The following GATA3 variants were observed in gnomAD, a reference collection of about 807,000 sequenced individuals.
GATA3 encodes the protein GATA binding protein 3, also known as trans-acting T-cell-specific transcription factor GATA-3.
GATA3 carries 6 observed loss-of-function variants against 36.0 expected under a neutral mutation model. The observed-to-expected ratio is 0.17, with a 90% CI of 0.09 to 0.33. GATA3 has a LOEUF of 0.33. GATA3 is among the 10% of genes least tolerant of loss of function. The pLI is 1.00. For missense variants in GATA3, 514 were observed against 610.1 expected (o/e 0.84, Z 1.66); for synonymous variants, 326 against 273.0 (o/e 1.19, Z -1.92).
chr10:8,072,190 C>T (rs1186157155), intron 5 of GATA3, among the ~76,000 whole-genome samples: 2 of 152,214 alleles, frequency 1.3e-5, no homozygotes, highest in African/African-American at 4.8e-5. Flanking sequence ...TGACCTCTCC[C>T]AGCTCAGCTT....
intron 1 of GATA3, among the ~76,000 whole-genome samples, chr10:8,046,411 C>T (rs1324475592): frequency 6.6e-6 from 1 of 152,150 alleles, no homozygotes; most frequent in South Asian, 2.1e-4. Flanking sequence ...TCCCATATTT[C>T]CTGGTCCTTC....
At chr10:8,073,702 A>G (rs770481001) in intron 5 of GATA3, 37 bp from the exon 6 acceptor site, 2 of 1,573,330 alleles carry the variant, frequency 1.3e-6, no homozygotes, top group Non-Finnish European at 1.7e-6. Flanking sequence ...GGCAGCAAAA[A>G]AGTAAAAAAA....
chr10:8,062,071 C>T (rs1832758548), intron 3 of GATA3, among the ~76,000 whole-genome samples: 1 of 152,212 alleles, frequency 6.6e-6, no homozygotes, highest in Admixed American at 6.5e-5. Flanking sequence ...CAGCCGGTTA[C>T]TCGCCCACTC....
Position 8,056,545 on chromosome 10 carries a change from G to A in GATA3, c.241+649G>A, listed in dbSNP as rs765211390. ...GAATTCTGATGCTGAAGGGGTTTGG[G>A]GGGGAAGACCCCTGTCTTAAGTTTG... On this transcript the variant is annotated intron_variant, in intron 2 of 5. Transcript: ENST00000379328. Among the ~76,000 whole-genome samples the A allele has an allele frequency of 3.3e-5, 5 of 152,240 alleles. No individual in the cohort carries two copies. In the South Asian group the frequency reaches 6.2e-4, roughly 19 times the overall value.
Position 8,055,041 on chromosome 10 carries a change from G to T in GATA3, c.-370+150G>T, listed in dbSNP as rs1413168316. ...CGGTCCCGGGACCGGTGTCCCCGAG[G>T]GAGGGACTTGCCCTCCAAGTCGTAA... On this transcript the variant is annotated intron_variant, in intron 1 of 5. Coordinates refer to ENST00000379328, the MANE Select transcript of GATA3 (RefSeq NM_001002295.2). The surrounding 1 kb of genome is among the most constrained non-coding windows in gnomAD (Gnocchi z 5.4). The T allele has an allele frequency of 1.7e-5, 3 of 181,342 alleles. No homozygotes were observed. The highest frequency in any genetic ancestry group is 3.5e-5 in the Non-Finnish European group (3 of 85,198). 11.2% of individuals were successfully genotyped at this position (181,342 alleles called of 1,614,324 possible). A position where few individuals can be genotyped will look rare whatever the true frequency, so the allele number is the denominator to read the frequency against.
chr10:8,066,113 G>A (rs1228379841), intron 4 of GATA3, among the ~76,000 whole-genome samples: 1 of 151,540 alleles, frequency 6.6e-6, no homozygotes, highest in Non-Finnish European at 1.5e-5. Flanking sequence ...GGAAAAAGAG[G>A]GATTAAAAGT....
chr10:8,061,869 A>C (rs981624140), intron 3 of GATA3, among the ~76,000 whole-genome samples: 1 of 152,150 alleles, frequency 6.6e-6, no homozygotes, highest in Non-Finnish European at 1.5e-5. Context: ...CTCCAACCAC[A>C]GCGGCCTCTC....
chr10:8,073,596 G>A, intron 5 of GATA3, 143 bp from the exon 6 acceptor site: 1 of 847,936 alleles, frequency 1.2e-6, no homozygotes, highest in Non-Finnish European at 1.8e-6. Context: ...GGAGAAGGTG[G>A]GAGGGAGGAA....
intron 4 of GATA3, among the ~76,000 whole-genome samples, chr10:8,067,053 A>G (rs1832854449): frequency 6.6e-6 from 1 of 152,072 alleles, no homozygotes; most frequent in Admixed American, 6.5e-5. Flanking sequence ...AAAAAACACT[A>G]TAGGAAGATA....
chr10:8,046,504 T>C (rs1275597007), intron 1 of GATA3, among the ~76,000 whole-genome samples: 6 of 152,112 alleles, frequency 3.9e-5, no homozygotes, highest in African/African-American at 9.7e-5. Flanking sequence ...CATGTTGAAG[T>C]AGCATTTCCA....
At chr10:8,046,691 G>GTGTGTC (rs58533845) in intron 1 of GATA3, among the ~76,000 whole-genome samples, 2,537 of 144,964 alleles carry the variant, frequency 0.018, 54 homozygotes, top group African/African-American at 0.029. Flanking sequence ...GTGTGTGTGT[G>GTGTGTC]TCAGGGGCTT....
At chr10:8,061,321 CTCCCTCCACT>C (rs1832745221) in intron 3 of GATA3, among the ~76,000 whole-genome samples, 2 of 152,152 alleles carry the variant, frequency 1.3e-5, no homozygotes, top group African/African-American at 4.8e-5. Context: ...AGTTGGGCAT[CTCCCTCCACT>C]GTCATCTGAT....
intron 4 of GATA3, among the ~76,000 whole-genome samples, chr10:8,068,174 G>GA (rs11567927): frequency 0.19 from 28,534 of 151,950 alleles, 2,729 homozygotes; most frequent in East Asian, 0.26. Flanking sequence ...AAAAGTGAAA[G>GA]AAAAATCTCT....
chr10:8,073,705 T>TAAAA, intron 5 of GATA3, 34 bp from the exon 6 acceptor site: 17 of 1,408,254 alleles, frequency 1.2e-5, no homozygotes, highest in Admixed American at 4.5e-5. Context: ...AGCAAAAAAG[T>TAAAA]AAAAAAAAAA....
At position 8,055,848 on chromosome 10, in the gene GATA3, G is replaced by A. The variant is rs1201315842; in HGVS notation, c.193G>A (p.Gly65Arg). 1 of 1,580,684 alleles carries A rather than the reference G, an allele frequency of 6.3e-7. No individual in the cohort carries two copies. The highest frequency in any genetic ancestry group is 1.8e-5 in the Admixed American group (1 of 55,722). ...GQGNHVPPYYGNSVRATVQRY... is the reference protein window; with the variant it reads ...GQGNHVPPYYRNSVRATVQRY... ...AGGCAACCACGTCCCGCCCTACTAC[G>A]GAAACTCGGTCAGGGCCACGGTGCA... is the stretch of plus-strand genomic sequence containing the variant. Residue 65 changes from glycine to arginine, a missense_variant, in exon 2 of 6, where the codon GGA (glycine) becomes AGA (arginine). Coordinates refer to ENST00000379328, the MANE Select transcript of GATA3 (RefSeq NM_001002295.2). This position sits in a 1 kb window ranked among gnomAD's most constrained non-coding sequence, Gnocchi z 5.4.
chr10:8,070,179 G>T (rs557953974), intron 5 of GATA3, among the ~76,000 whole-genome samples: 7 of 152,316 alleles, frequency 4.6e-5, no homozygotes, highest in African/African-American at 1.7e-4. Context: ...ACTTTCACGT[G>T]TAGAGAGCTA....
upstream of GATA3, chr10:8,050,310 G>C (rs560283560): frequency 6.6e-6 from 1 of 152,308 alleles, no homozygotes; most frequent in African/African-American, 2.4e-5. Flanking sequence ...CCGCCGGGCC[G>C]CTCTCGGCTG....
intron 4 of GATA3, among the ~76,000 whole-genome samples, chr10:8,068,081 C>A (rs889752793): frequency 5.3e-5 from 8 of 152,260 alleles, no homozygotes; most frequent in African/African-American, 1.9e-4. Flanking sequence ...GACCCAACTC[C>A]ATTTTCTTCC....
At chr10:8,059,298 G>A (rs1239427611) in intron 3 of GATA3, among the ~76,000 whole-genome samples, 3 of 152,100 alleles carry the variant, frequency 2.0e-5, no homozygotes, top group Non-Finnish European at 4.4e-5. Context: ...TGTTCCTCTC[G>A]CTCAGCTCAA....
Sources: allele counts gnomAD v4.1 joint callset (sites outside exome capture counted in the v4.1 genomes callset), GRCh38; gene constraint gnomAD v4.1.1; non-coding constraint Gnocchi (gnomAD v3.1); transcripts MANE v1.5; gene names NCBI Gene and HGNC (gene_info 2026-07-23, HGNC 2026-07-21).